TMOD3: variants seen among roughly 807,000 people sequenced by gnomAD.
The protein encoded by TMOD3 is tropomodulin-3.
In TMOD3, 20 loss-of-function variants were observed where a neutral mutation model predicts 39.2. The ratio of observed to expected loss-of-function variants is 0.51; its 90% confidence interval spans 0.36 to 0.74. The LOEUF (loss-of-function observed/expected upper bound fraction) is 0.74, where lower values mean the gene tolerates loss of function less well. TMOD3 is among the 30% of genes least tolerant of loss of function. The pLI, the probability that TMOD3 is intolerant of heterozygous loss-of-function variation, is 0.00. For synonymous variants in TMOD3, 143 were observed against 145.8 expected, an observed-to-expected ratio of 0.98 and a Z score of 0.14; for missense variants, 381 against 412.8, an observed-to-expected ratio of 0.92 and a Z score of 0.67.
chr15:51,843,166 G>A (rs568856089), intron 1 of TMOD3, among the ~76,000 whole-genome samples: 2 of 152,218 alleles, frequency 1.3e-5, no homozygotes, highest in Non-Finnish European at 2.9e-5. Flanking sequence ...AGGCTTTGGA[G>A]AGGACAGACT....
At chr15:51,872,577 TATTTTTTGTGAGGACC>T (rs1479975818) in intron 3 of TMOD3, among the ~76,000 whole-genome samples, 28 of 151,886 alleles carry the variant, frequency 1.8e-4, no homozygotes, top group African/African-American at 6.8e-4. Flanking sequence ...CTATGTCATA[TATTTTTTGTGAGGACC>T]AAATTTGTTT....
At chr15:51,839,702 C>A (rs982122178) in intron 1 of TMOD3, among the ~76,000 whole-genome samples, 1 of 152,042 alleles carries the variant, frequency 6.6e-6, no homozygotes. Context: ...TGTACACCAC[C>A]ACACCTGGCT....
At chr15:51,857,167 C>G (rs1434210893) in intron 1 of TMOD3, among the ~76,000 whole-genome samples, 1 of 152,032 alleles carries the variant, frequency 6.6e-6, no homozygotes, top group African/African-American at 2.4e-5. Context: ...ACGTAACATG[C>G]AAGAAAAGGG....
At chr15:51,907,949 C>T (rs1217887943) in intron 9 of TMOD3, among the ~76,000 whole-genome samples, 2 of 152,130 alleles carry the variant, frequency 1.3e-5, no homozygotes, top group African/African-American at 2.4e-5. Flanking sequence ...TTATGGTAGC[C>T]GGAAGTGACC....
At position 51,889,034 on chromosome 15, in the gene TMOD3, C is replaced by G. The variant is rs369278438; in HGVS notation, c.407-22C>G. 6.0e-6 allele frequency: 9 copies of G among 1,489,984 alleles called. No homozygotes were observed. The Admixed American group carries it at 6.5e-5, about 11-fold the overall frequency. The allele number at this position is 1,489,984 out of a possible 1,614,324, so 92.3% of individuals were successfully genotyped here. ...CTCTTCATGTTTAAAACAATAAAAA[C>G]TTTCTTTTTCTGTATTTATAGCAAT... is the stretch of plus-strand genomic sequence containing the variant. On this transcript the variant is annotated intron_variant, in intron 4 of 9. Transcript: ENST00000308580.
chr15:51,862,293 A>G (rs1420769173), intron 1 of TMOD3, among the ~76,000 whole-genome samples: 2 of 152,226 alleles, frequency 1.3e-5, no homozygotes, highest in Non-Finnish European at 2.9e-5. Context: ...AACACCTCAG[A>G]AAAATATTTT....
At chr15:51,837,380 G>A (rs969548762) in intron 1 of TMOD3, among the ~76,000 whole-genome samples, 1 of 151,508 alleles carries the variant, frequency 6.6e-6, no homozygotes, top group Non-Finnish European at 1.5e-5. Context: ...TTTCATTCAT[G>A]GTGGGCTATA....
In TMOD3 at chr15:51,908,761, T is replaced by C. The variant is rs1377206482; in HGVS notation, c.1025-15T>C. On this transcript the variant is annotated splice_polypyrimidine_tract_variant and intron_variant, in intron 9 of 9. Transcript: ENST00000308580. ...ATAGGGATTTCTAACATAGTTTCTT[T>C]TATTTTTCTCATAGTGCGTAAGAGA... is the stretch of plus-strand genomic sequence containing the variant. 1.9e-6 allele frequency: 3 copies of C among 1,591,704 alleles called. No homozygotes were observed. The highest frequency in any genetic ancestry group is 2.6e-6 in the Non-Finnish European group (3 of 1,171,564).
chr15:51,870,026 C>A (rs2056467171), intron 3 of TMOD3, among the ~76,000 whole-genome samples: 1 of 152,108 alleles, frequency 6.6e-6, no homozygotes. Flanking sequence ...GCAACCTCCG[C>A]CTCCCGGGTT....
At chr15:51,847,518 C>A (rs1477247915) in intron 1 of TMOD3, among the ~76,000 whole-genome samples, 2 of 152,236 alleles carry the variant, frequency 1.3e-5, no homozygotes, top group South Asian at 2.1e-4. Context: ...CCGTAGCATC[C>A]CCAAAACGCC....
At chr15:51,832,230 T>TATATATATATATATATATATATATATA (rs1450593296) in intron 1 of TMOD3, among the ~76,000 whole-genome samples, 17 of 136,618 alleles carry the variant, frequency 1.2e-4, no homozygotes, top group African/African-American at 4.7e-4. Context: ...TATATATATA[T>TATATATATATATATATATATATATATA]ATGAATGACA....
chr15:51,852,195 A>G (rs2056365622), intron 1 of TMOD3, among the ~76,000 whole-genome samples: 1 of 152,240 alleles, frequency 6.6e-6, no homozygotes, highest in South Asian at 2.1e-4. Flanking sequence ...TGTCAAAAGA[A>G]CAGTAAGTAT....
At chr15:51,845,134 T>TA (rs2056329542) in intron 1 of TMOD3, among the ~76,000 whole-genome samples, 2 of 152,200 alleles carry the variant, frequency 1.3e-5, no homozygotes, top group African/African-American at 4.8e-5. Flanking sequence ...CTTAAAATCA[T>TA]AGACAATTAG....
At position 51,886,714 on chromosome 15, in the gene TMOD3, AGAGAGG is replaced by A. The variant is rs367923890; in HGVS notation, c.284-855_284-850del. 2.6e-3 allele frequency among the ~76,000 whole-genome samples: 399 copies of A among 151,896 alleles called. 2 individuals are homozygous for A. Among genetic ancestry groups the A allele is most frequent in the African/African-American group, 9.1e-3 (378 of 41,374 alleles). ...AGAGAGAGGGAGAGGGAGACCGTGG[AGAGAGG>A]GAGAGGGAGAGGGAGAGGGCTAGAG... On this transcript the variant is annotated intron_variant, in intron 3 of 9. Transcript: ENST00000308580.
chr15:51,889,768 A>AG (rs945849305), intron 5 of TMOD3, among the ~76,000 whole-genome samples: 11 of 152,248 alleles, frequency 7.2e-5, no homozygotes, highest in Admixed American at 6.5e-4. Context: ...TGGGAGGCTG[A>AG]GGGGAGGATG....
At chr15:51,905,906 T>TCC (rs2056676295) in intron 9 of TMOD3, among the ~76,000 whole-genome samples, 1 of 116,974 alleles carries the variant, frequency 8.5e-6, no homozygotes, top group Admixed American at 1.2e-4. Flanking sequence ...ATTGCGCCAC[T>TCC]GCAGTCCGCA....
At chr15:51,846,255 C>T (rs1031516846) in intron 1 of TMOD3, among the ~76,000 whole-genome samples, 4 of 152,024 alleles carry the variant, frequency 2.6e-5, no homozygotes, top group South Asian at 2.1e-4. Context: ...TGCTTGAGCC[C>T]GGGAGTTTGA....
intron 1 of TMOD3, among the ~76,000 whole-genome samples, chr15:51,851,071 C>A (rs924651812): frequency 6.6e-6 from 1 of 151,914 alleles, no homozygotes; most frequent in Non-Finnish European, 1.5e-5. Context: ...CAGAGGAGTT[C>A]CAGAGAGACA....
At chr15:51,847,383 A>G (rs2056341045) in intron 1 of TMOD3, among the ~76,000 whole-genome samples, 1 of 152,230 alleles carries the variant, frequency 6.6e-6, no homozygotes, top group Admixed American at 6.5e-5. Context: ...GGCAGGAAAG[A>G]CAGGGCTACT....
Sources: allele counts gnomAD v4.1 joint callset (sites outside exome capture counted in the v4.1 genomes callset), GRCh38; gene constraint gnomAD v4.1.1; transcripts MANE v1.5; gene names NCBI Gene and HGNC (gene_info 2026-07-23, HGNC 2026-07-21).